The following RAPGEF1 variants were observed in gnomAD, a reference collection of about 807,000 sequenced individuals.
The protein encoded by RAPGEF1 is Rap guanine nucleotide exchange factor 1, also known as CRK SH3-binding GNRP.
A neutral mutation model predicts 143.3 loss-of-function variants in RAPGEF1; 33 were observed. The ratio of observed to expected loss-of-function variants is 0.23; its 90% CI spans 0.17 to 0.31. RAPGEF1 has a LOEUF of 0.31. Among genes scored for constraint, RAPGEF1 ranks in the 10% least tolerant of loss-of-function variants. The pLI is 1.00. For missense variants in RAPGEF1, 1,199 were observed against 1,645.4 expected, an observed-to-expected ratio of 0.73 and a Z score of 4.69; for synonymous variants, 629 against 676.5, an observed-to-expected ratio of 0.93 and a Z score of 1.09.
chr9:131,626,466 C>A, intron 9 of RAPGEF1, 44 bp from the exon 10 acceptor site: 1 of 1,510,660 alleles, frequency 6.6e-7, no homozygotes, highest in African/African-American at 1.4e-5. Context: ...AGCCACAGGC[C>A]CTGCAGGAGC....
At chr9:131,654,547 A>G (rs1971957840) in intron 1 of RAPGEF1, among the ~76,000 whole-genome samples, 1 of 152,054 alleles carries the variant, frequency 6.6e-6, no homozygotes. Context: ...CTCTACCTAC[A>G]AAATATTAGC....
intron 1 of RAPGEF1, among the ~76,000 whole-genome samples, chr9:131,684,370 T>A (rs1182085643): frequency 2.0e-5 from 3 of 152,234 alleles, no homozygotes; most frequent in Admixed American, 2.0e-4. Flanking sequence ...CCAGCTTCTA[T>A]TAAAACAATA....
At chr9:131,725,541 C>T (rs1185657163) in intron 1 of RAPGEF1, 1 of 152,218 alleles carries the variant, frequency 6.6e-6, no homozygotes, top group African/African-American at 2.4e-5. Context: ...TCACTGCAGT[C>T]TTGACCTTGC....
intron 4 of RAPGEF1, among the ~76,000 whole-genome samples, chr9:131,640,293 G>A (rs1423754018): frequency 1.3e-5 from 2 of 152,224 alleles, no homozygotes; most frequent in Non-Finnish European, 2.9e-5. Context: ...TTCCCCTGAT[G>A]TGCTGTAGGA....
In RAPGEF1 at chr9:131,584,257, C is replaced by T. The variant is rs1406643014; in HGVS notation, c.3414+54G>A. On this transcript the variant is annotated intron_variant, in intron 24 of 26. Coordinates refer to ENST00000683357, the MANE Select transcript of RAPGEF1 (RefSeq NM_001377935.1). This position sits in a 1 kb window ranked among gnomAD's most constrained non-coding sequence, Gnocchi z 6.8. The stretch of plus-strand genomic sequence containing the variant: ...TCTGCCACAGCTAGTCGCCTGAGGG[C>T]TGGGCGGCCCCCCTTACCAGCCACC... 1.3e-6 allele frequency: 2 copies of T among 1,484,370 alleles called. No individual in the cohort carries two copies. Among genetic ancestry groups the T allele is most frequent in the Non-Finnish European group, 1.8e-6 (2 of 1,083,074 alleles). The allele number at this position is 1,484,370 out of a possible 1,614,324, so 91.9% of individuals were successfully genotyped here. A position where few individuals can be genotyped will look rare whatever the true frequency, so the allele number is the denominator to read the frequency against.
rs761937760 is a variant in RAPGEF1, at chr9:131,622,012, G to A, written c.1703-14C>T. 6.8e-6 allele frequency: 11 copies of A among 1,610,270 alleles called. No homozygotes were observed. In the African/African-American group the frequency reaches 1.2e-4, roughly 18 times the overall value. The stretch of plus-strand genomic sequence containing the variant: ...TGTAGGCCAGCACTGTGAAACAAGG[G>A]AGAAAGCTGCAGCGAGGCCGGGGGA... On this transcript the variant is annotated splice_polypyrimidine_tract_variant and intron_variant, in intron 10 of 26. Transcript: ENST00000683357.
At chr9:131,685,252 A>G (rs1372892970) in intron 1 of RAPGEF1, among the ~76,000 whole-genome samples, 1 of 152,240 alleles carries the variant, frequency 6.6e-6, no homozygotes, top group African/African-American at 2.4e-5. Flanking sequence ...GCTCACCGCG[A>G]CAAAGCTGCC....
At position 131,675,431 on chromosome 9, in the gene RAPGEF1, T is replaced by C. The variant is rs1478279132; in HGVS notation, c.62-24482A>G. Among the ~76,000 whole-genome samples, 1 of 152,158 alleles carries C rather than the reference T, an allele frequency of 6.6e-6. No individual in the cohort carries two copies. The highest frequency in any genetic ancestry group is 2.4e-5 in the African/African-American group (1 of 41,434). On this transcript the variant is annotated intron_variant, in intron 1 of 26. Transcript: ENST00000683357. This position sits in a 1 kb window ranked among gnomAD's most constrained non-coding sequence, Gnocchi z 4.6. ...CCACAGGGTTCACCATGTGTTTTTT[T>C]CTTCACCGGCCATGAGAAAGGATTA...
In RAPGEF1 at chr9:131,605,129, A is replaced by G; in HGVS notation, c.2121T>C (p.Val707=). ...AGGAGGTAGGCGGAAGGAAAGGCGG[A>G]ACGGAAGCTTGGTGGTGAGGCACGA... ...QDFVPHHQAS[V]PPFLPPTSSS... The change falls in exon 13 of 27, where the codon GTT becomes GTC. Residue 707 remains valine (V), a synonymous_variant. Transcript: ENST00000683357. 1 of 1,363,704 alleles carries G rather than the reference A, an allele frequency of 7.3e-7. No individual in the cohort carries two copies. The highest frequency in any genetic ancestry group is 9.8e-7 in the Non-Finnish European group (1 of 1,020,502). 84.5% of individuals were successfully genotyped at this position (1,363,704 alleles called of 1,614,324 possible).
Position 131,582,706 on chromosome 9 carries a change from GCAGGACAGGA to G in RAPGEF1, c.3415-14_3415-5del. On this transcript the variant is annotated splice_polypyrimidine_tract_variant and splice_region_variant and intron_variant, in intron 24 of 26. Coordinates refer to ENST00000683357, the MANE Select transcript of RAPGEF1 (RefSeq NM_001377935.1). The stretch of plus-strand genomic sequence containing the variant: ...GTGTGCAGTACTCGGCCAGGCCCTG[GCAGGACAGGA>G]CAGGACAGGACCGGACAGGGGTGAG... 1 of 1,560,802 alleles carries G rather than the reference GCAGGACAGGA, an allele frequency of 6.4e-7. No individual in the cohort carries two copies. Among genetic ancestry groups the G allele is most frequent in the South Asian group, 1.2e-5 (1 of 83,116 alleles).
chr9:131,656,916 G>A (rs945189591), intron 1 of RAPGEF1, among the ~76,000 whole-genome samples: 1 of 152,226 alleles, frequency 6.6e-6, no homozygotes, highest in Non-Finnish European at 1.5e-5. Flanking sequence ...TCCCTCCTCA[G>A]GGTATCCACC....
intron 1 of RAPGEF1, among the ~76,000 whole-genome samples, chr9:131,723,464 A>G (rs111497920): frequency 1.3e-5 from 2 of 152,220 alleles, no homozygotes; most frequent in African/African-American, 4.8e-5. Context: ...CAGCCACCTC[A>G]GCGCCTTTCG....
rs1190435697 is a variant in RAPGEF1 at position 131,739,851 on chromosome 9, G to A, written c.-21C>T. ...CTCATCGGGCCCGGGCCGGGCCGCC[G>A]CGGGGCGACAGGGGCGGCGCGCCCG... On this transcript the variant is annotated 5_prime_UTR_variant, in exon 1 of 27. Transcript: ENST00000683357. 9.8e-7 allele frequency: 1 copy of A among 1,016,352 alleles called. No homozygotes were observed. The highest frequency in any genetic ancestry group is 1.2e-6 in the Non-Finnish European group (1 of 855,258). 63.0% of individuals were successfully genotyped at this position (1,016,352 alleles called of 1,614,324 possible).
At chr9:131,603,838 T>G in intron 14 of RAPGEF1, 123 bp downstream of exon 14, 1 of 475,004 alleles carries the variant, frequency 2.1e-6, no homozygotes, top group Non-Finnish European at 3.4e-6. Context: ...GAGCCCAGTC[T>G]GCTGGTGACT....
chr9:131,648,218 C>A (rs1475821401), intron 3 of RAPGEF1, among the ~76,000 whole-genome samples: 1 of 152,086 alleles, frequency 6.6e-6, no homozygotes, highest in Admixed American at 6.6e-5. Context: ...GGCAAAACCC[C>A]ATCTCTACTA....
chr9:131,738,726 G>A (rs994285827), intron 1 of RAPGEF1, among the ~76,000 whole-genome samples: 2 of 152,150 alleles, frequency 1.3e-5, no homozygotes, highest in African/African-American at 2.4e-5. Flanking sequence ...CCTCAATAAA[G>A]CCTACAAAAA....
In RAPGEF1 at chr9:131,577,433, C is replaced by A. The variant is rs1171908324; in HGVS notation, c.*2064G>T. The A allele has an allele frequency of 6.6e-6, 1 of 152,316 alleles. No individual in the cohort carries two copies. Among genetic ancestry groups the A allele is most frequent in the Non-Finnish European group, 1.5e-5 (1 of 68,098 alleles). 9.4% of individuals were successfully genotyped at this position (152,316 alleles called of 1,614,324 possible). A position where few individuals can be genotyped will look rare whatever the true frequency, so the allele number is the denominator to read the frequency against. ...GACAGAGCTGTGGACAGCACCCGAC[C>A]ACAGACACGGTTCTGCCTGCTGCTG... On this transcript the variant is annotated 3_prime_UTR_variant, in exon 27 of 27. Transcript: ENST00000683357.
intron 1 of RAPGEF1, among the ~76,000 whole-genome samples, chr9:131,732,863 T>C (rs898196562): frequency 1.2e-4 from 19 of 152,218 alleles, no homozygotes; most frequent in Non-Finnish European, 2.5e-4. Context: ...GTAGACACAC[T>C]CCCTCACGGA....
At chr9:131,587,541 A>G (rs72757698) in intron 22 of RAPGEF1, among the ~76,000 whole-genome samples, 195 bp downstream of exon 22, 4,393 of 152,216 alleles carry the variant, frequency 0.029, 79 homozygotes, top group Middle Eastern at 0.072. Flanking sequence ...CCAGGTGGCC[A>G]CTTCCAGCAA....
Sources: gnomAD v4.1 joint callset for allele counts (sites outside exome capture counted in the v4.1 genomes callset) on GRCh38, gnomAD v4.1.1 for gene constraint, Gnocchi (gnomAD v3.1) non-coding constraint, MANE v1.5 for transcripts, NCBI Gene and HGNC (gene_info 2026-07-23, HGNC 2026-07-21) for gene names.